Variants in KALRN observed in about 807,000 individuals in gnomAD.
KALRN encodes the protein kalirin.
KALRN carries 70 observed loss-of-function variants against 353.7 expected under a neutral mutation model. The ratio of observed to expected loss-of-function variants is 0.20; its 90% confidence interval spans 0.16 to 0.24. The LOEUF is 0.24. Ranked by LOEUF, KALRN falls within the 10% of genes least tolerant of loss-of-function variation. The pLI, the probability that KALRN is intolerant of heterozygous loss-of-function variation, is 1.00. For missense variants in KALRN, 2,791 were observed against 3,756.7 expected (o/e 0.74, Z 6.72); for synonymous variants, 1,391 against 1,434.8 (o/e 0.97, Z 0.69).
intron 16 of KALRN, among the ~76,000 whole-genome samples, chr3:124,433,824 T>G (rs1415008841): frequency 1.3e-5 from 2 of 152,246 alleles, no homozygotes; most frequent in Non-Finnish European, 2.9e-5. Context: ...TGATTATTAA[T>G]GTTTTAAATG....
chr3:124,671,632 A>C lies in KALRN; in HGVS notation c.6704-28A>C. On this transcript the variant is annotated intron_variant, in intron 47 of 59. Coordinates refer to ENST00000682506, the MANE Select transcript of KALRN (RefSeq NM_001388419.1). ...AATCCTTGTGGGATTCCCAAAGCTTAGAGTAACCACCTGCTCTTATCCCAC... is the reference window on the plus strand; with the variant it reads ...AATCCTTGTGGGATTCCCAAAGCTTCGAGTAACCACCTGCTCTTATCCCAC... The C allele has an allele frequency of 3.3e-6, 5 of 1,535,200 alleles. No homozygotes were observed. The South Asian group carries it at 3.4e-5, about 10-fold the overall frequency.
At chr3:124,546,631 T>A (rs1321274881) in intron 33 of KALRN, among the ~76,000 whole-genome samples, 1 of 152,176 alleles carries the variant, frequency 6.6e-6, no homozygotes, top group Admixed American at 6.5e-5. Context: ...GGAAACCTTG[T>A]ACCCTCACAA....
chr3:124,083,411 T>A (rs1448438761), intron 1 of KALRN, among the ~76,000 whole-genome samples: 1 of 151,876 alleles, frequency 6.6e-6, no homozygotes, highest in African/African-American at 2.4e-5. Flanking sequence ...CACAGATAGC[T>A]AGATGAAGGC....
intron 34 of KALRN, among the ~76,000 whole-genome samples, chr3:124,608,345 T>C (rs1247691200): frequency 6.6e-6 from 1 of 152,172 alleles, no homozygotes; most frequent in African/African-American, 2.4e-5. Flanking sequence ...TAAATGTTTA[T>C]TACAAATTCA....
intron 49 of KALRN, among the ~76,000 whole-genome samples, chr3:124,675,957 C>T (rs2087139132): frequency 6.6e-6 from 1 of 152,124 alleles, no homozygotes; most frequent in African/African-American, 2.4e-5. Context: ...CAGGCCCAGC[C>T]AAAAATCCAC....
intron 3 of KALRN, among the ~76,000 whole-genome samples, chr3:124,257,627 G>T (rs1020733470): frequency 2.0e-5 from 3 of 152,196 alleles, no homozygotes; most frequent in African/African-American, 7.2e-5. Flanking sequence ...AGTTTGAAGG[G>T]ATTGTAATTT....
At chr3:124,623,477 T>C (rs865887234) in intron 34 of KALRN, among the ~76,000 whole-genome samples, 17 of 151,192 alleles carry the variant, frequency 1.1e-4, no homozygotes, top group African/African-American at 4.1e-4. Context: ...CAATAGGTTG[T>C]CTACAAGCTG....
chr3:124,534,585 C>A (rs1189691895), intron 33 of KALRN, among the ~76,000 whole-genome samples: 2 of 151,824 alleles, frequency 1.3e-5, no homozygotes, highest in Admixed American at 6.6e-5. Context: ...ATGAAGGAAA[C>A]CGATGAAGAG....
intron 34 of KALRN, among the ~76,000 whole-genome samples, chr3:124,591,654 A>G (rs2075784133): frequency 6.6e-6 from 1 of 152,212 alleles, no homozygotes. Context: ...TAAAGGGCCT[A>G]GCATAATGCC....
At chr3:124,064,660 G>T (rs1045531858) in intron 1 of KALRN, among the ~76,000 whole-genome samples, 3 of 152,166 alleles carry the variant, frequency 2.0e-5, no homozygotes, top group African/African-American at 7.2e-5. Context: ...TCTGGTCATT[G>T]TATGAGCAGA....
chr3:124,441,017 G>C (rs186806148), intron 18 of KALRN, among the ~76,000 whole-genome samples: 1 of 152,028 alleles, frequency 6.6e-6, no homozygotes, highest in Non-Finnish European at 1.5e-5. Context: ...TCGTAAAGGG[G>C]GTAGGTAATA....
chr3:124,326,150 G>T lies in KALRN; in HGVS notation c.1263G>T (p.Val421=). The change falls in exon 7 of 60, where the codon GTG becomes GTT. Residue 421 remains valine, a synonymous_variant. Transcript: ENST00000682506. ...ERSTILAMSA[V]FHQKAEQFLS... is the part of the protein sequence containing the mutation. The stretch of plus-strand genomic sequence containing the variant: ...GCACCATCCTCGCCATGTCTGCTGT[G>T]TTCCACCAGAAGGCTGAGCAGGTAA... The T allele has an allele frequency of 6.2e-7, 1 of 1,612,182 alleles. No homozygotes were observed. The highest frequency in any genetic ancestry group is 8.5e-7 in the Non-Finnish European group (1 of 1,179,088).
At chr3:124,143,283 A>G (rs1022864239) in intron 1 of KALRN, among the ~76,000 whole-genome samples, 1 of 152,138 alleles carries the variant, frequency 6.6e-6, no homozygotes, top group Non-Finnish European at 1.5e-5. Context: ...TGTCATGTGG[A>G]TGGTGGATGT....
chr3:124,035,456 A>G (rs949737891), intron 1 of KALRN, among the ~76,000 whole-genome samples: 2 of 152,084 alleles, frequency 1.3e-5, no homozygotes, highest in Admixed American at 6.5e-5. Context: ...AAAAGTCTGC[A>G]TTTTCTTAGC....
At chr3:124,043,610 A>G (rs545584981) in intron 1 of KALRN, among the ~76,000 whole-genome samples, 5 of 152,242 alleles carry the variant, frequency 3.3e-5, no homozygotes, top group African/African-American at 9.6e-5. Context: ...AGAGAGCATC[A>G]TCTGGCTGGA....
intron 1 of KALRN, among the ~76,000 whole-genome samples, chr3:124,057,767 G>T (rs1030801079): frequency 6.6e-6 from 1 of 152,144 alleles, no homozygotes; most frequent in Non-Finnish European, 1.5e-5. Context: ...TATTTCTGCT[G>T]CTCAAGGACC....
At chr3:124,567,971 T>C (rs1304375549) in intron 34 of KALRN, among the ~76,000 whole-genome samples, 1 of 150,730 alleles carries the variant, frequency 6.6e-6, no homozygotes, top group Non-Finnish European at 1.5e-5. Flanking sequence ...TGAGACTCTA[T>C]CTCAGGGGGA....
At chr3:124,306,309 GA>G (rs1269800482) in intron 6 of KALRN, among the ~76,000 whole-genome samples, 1 of 151,906 alleles carries the variant, frequency 6.6e-6, no homozygotes, top group African/African-American at 2.4e-5. Flanking sequence ...TTTTTTAAAG[GA>G]AATATGGAGC....
chr3:124,711,583 C>T (rs115181072), intron 57 of KALRN, among the ~76,000 whole-genome samples: 60 of 152,270 alleles, frequency 3.9e-4, no homozygotes, highest in African/African-American at 1.4e-3. Context: ...CCATTGCTGA[C>T]CTGTGCCCTA....
Sources: gnomAD v4.1 joint callset for allele counts (sites outside exome capture counted in the v4.1 genomes callset) on GRCh38, gnomAD v4.1.1 for gene constraint, MANE v1.5 for transcripts, NCBI Gene and HGNC (gene_info 2026-07-23, HGNC 2026-07-21) for gene names.